Variants in HLCS observed in about 807,000 individuals in gnomAD.
HLCS encodes the protein biotin--protein ligase.
A neutral mutation model predicts 75.0 loss-of-function variants in HLCS; 53 were observed. That is an observed-to-expected ratio of 0.71 (90% CI 0.57 to 0.89). The LOEUF is 0.89. Among genes scored for constraint, HLCS ranks in the 40% least tolerant of loss-of-function variants. The pLI is 0.00. For synonymous variants in HLCS, 431 were observed against 428.6 expected (o/e 1.01, Z -0.07); for missense variants, 966 against 1,074.0 (o/e 0.90, Z 1.41).
At chr21:36,875,426 C>G (rs1204013837) in intron 6 of HLCS, among the ~76,000 whole-genome samples, 1 of 152,232 alleles carries the variant, frequency 6.6e-6, no homozygotes, top group Non-Finnish European at 1.5e-5. Flanking sequence ...TTCAGCCACT[C>G]ACACTCTCCT....
At chr21:36,844,617 G>A (rs1342810840) in intron 6 of HLCS, among the ~76,000 whole-genome samples, 4 of 151,884 alleles carry the variant, frequency 2.6e-5, no homozygotes. Context: ...GCTTGTATGT[G>A]TGAACATCTT....
intron 5 of HLCS, among the ~76,000 whole-genome samples, chr21:36,919,060 G>A (rs530814036): frequency 6.6e-6 from 1 of 152,268 alleles, no homozygotes; most frequent in East Asian, 1.9e-4. Context: ...GCATCTTTCA[G>A]AGACACATAC....
At chr21:36,868,975 C>T (rs2063671034) in intron 6 of HLCS, among the ~76,000 whole-genome samples, 1 of 152,162 alleles carries the variant, frequency 6.6e-6, no homozygotes, top group Admixed American at 6.5e-5. Context: ...AAAACTGAGG[C>T]ACCGCACAGG....
intron 6 of HLCS, among the ~76,000 whole-genome samples, chr21:36,874,007 C>G (rs1170086987): frequency 6.6e-6 from 1 of 152,156 alleles, no homozygotes; most frequent in East Asian, 1.9e-4. Context: ...ATATTGTTTT[C>G]CTTTAAAACT....
At chr21:36,962,989 T>C (rs138358885) in intron 1 of HLCS, among the ~76,000 whole-genome samples, 15 of 152,158 alleles carry the variant, frequency 9.9e-5, no homozygotes, top group African/African-American at 3.1e-4. Context: ...ATCTGGGAAG[T>C]GTGCAAGTCT....
chr21:36,758,304 C>T (rs774551419), intron 9 of HLCS, among the ~76,000 whole-genome samples: 19 of 152,142 alleles, frequency 1.2e-4, no homozygotes, highest in East Asian at 1.9e-4. Flanking sequence ...GACAGGGTTT[C>T]GCCATGTCAC....
chr21:36,803,434 G>A (rs892740343), intron 6 of HLCS, among the ~76,000 whole-genome samples: 1 of 152,188 alleles, frequency 6.6e-6, no homozygotes, highest in African/African-American at 2.4e-5. Flanking sequence ...ATTAAATCTG[G>A]ATTCCAGAAA....
intron 2 of HLCS, among the ~76,000 whole-genome samples, chr21:36,958,016 AG>A (rs1208606544): frequency 1.3e-5 from 2 of 151,928 alleles, no homozygotes; most frequent in African/African-American, 4.8e-5. Flanking sequence ...TCCCAAGGTC[AG>A]GAGATCGAAA....
intron 6 of HLCS, among the ~76,000 whole-genome samples, chr21:36,843,877 A>T (rs572404500): frequency 2.6e-5 from 4 of 152,202 alleles, no homozygotes. Flanking sequence ...GTTTGGTGGC[A>T]TGCACTTGTA....
At chr21:36,771,596 T>C (rs531113220) in intron 6 of HLCS, among the ~76,000 whole-genome samples, 2 of 152,358 alleles carry the variant, frequency 1.3e-5, no homozygotes, top group African/African-American at 2.4e-5. Flanking sequence ...AAGCCCATCA[T>C]GTGGTCATCA....
chr21:36,803,570 G>A (rs1355887334), intron 6 of HLCS, among the ~76,000 whole-genome samples: 1 of 152,120 alleles, frequency 6.6e-6, no homozygotes, highest in Non-Finnish European at 1.5e-5. Context: ...AGAGCTCAGA[G>A]CCCCGACAGG....
intron 6 of HLCS, among the ~76,000 whole-genome samples, chr21:36,844,186 C>T (rs1217696732): frequency 2.6e-5 from 4 of 152,078 alleles, no homozygotes; most frequent in African/African-American, 7.2e-5. Context: ...AAGGTGGATA[C>T]GTATCACTAT....
intron 6 of HLCS, among the ~76,000 whole-genome samples, chr21:36,894,591 T>A (rs1365133257): frequency 6.6e-6 from 1 of 152,202 alleles, no homozygotes; most frequent in Non-Finnish European, 1.5e-5. Flanking sequence ...ATGCAGGGCA[T>A]CTGGTAAGCT....
rs1418686695 is a variant in HLCS, at chr21:36,750,187, A to G, written c.*4059T>C. Among the ~76,000 whole-genome samples the G allele has an allele frequency of 2.6e-5, 4 of 152,234 alleles. No homozygotes were observed. In the East Asian group the frequency reaches 7.7e-4, roughly 29 times the overall value. On this transcript the variant is annotated 3_prime_UTR_variant, in exon 11 of 11. Transcript: ENST00000674895. Reference sequence around the variant, plus strand: ...TTCTGTGAGGCTCCGGCAGGGGAAGAGGAAGCATTTTAATACATATGCCTC... The same window carrying G: ...TTCTGTGAGGCTCCGGCAGGGGAAGGGGAAGCATTTTAATACATATGCCTC...
chr21:36,818,419 A>T (rs1305643148), intron 6 of HLCS, among the ~76,000 whole-genome samples: 1 of 152,220 alleles, frequency 6.6e-6, no homozygotes, highest in East Asian at 1.9e-4. Flanking sequence ...GGTTCATTAA[A>T]AGTGCAGGTC....
chr21:36,933,625 C>T (rs2066748372), intron 4 of HLCS, among the ~76,000 whole-genome samples: 1 of 142,028 alleles, frequency 7.0e-6, no homozygotes, highest in South Asian at 2.4e-4. Flanking sequence ...CCTCTCCTCT[C>T]CGGTGGACAA....
intron 6 of HLCS, among the ~76,000 whole-genome samples, chr21:36,845,539 A>G (rs2062768121): frequency 6.6e-6 from 1 of 152,160 alleles, no homozygotes; most frequent in Non-Finnish European, 1.5e-5. Flanking sequence ...ATGGTATGCA[A>G]GGCTCATTCA....
intron 9 of HLCS, among the ~76,000 whole-genome samples, chr21:36,757,873 G>T (rs905641525): frequency 6.6e-6 from 1 of 152,150 alleles, no homozygotes; most frequent in Non-Finnish European, 1.5e-5. Flanking sequence ...TAAATCAAGT[G>T]CTGTACAGCA....
intron 2 of HLCS, among the ~76,000 whole-genome samples, chr21:36,941,487 C>T (rs2067139617): frequency 1.3e-5 from 2 of 152,204 alleles, no homozygotes; most frequent in African/African-American, 4.8e-5. Context: ...GATTCATGGA[C>T]AACTGAATTT....
Sources: gnomAD v4.1 joint callset for allele counts (sites outside exome capture counted in the v4.1 genomes callset) on GRCh38, gnomAD v4.1.1 for gene constraint, MANE v1.5 for transcripts, NCBI Gene and HGNC (gene_info 2026-07-23, HGNC 2026-07-21) for gene names.